Variants in CREBZF observed in about 807,000 individuals in gnomAD.
The protein encoded by CREBZF is CREB/ATF bZIP transcription factor.
A neutral mutation model predicts 21.1 loss-of-function variants in CREBZF; 8 were observed. The observed-to-expected ratio is 0.38, with a 90% confidence interval of 0.22 to 0.68. CREBZF has a LOEUF of 0.68. CREBZF is among the 30% of genes least tolerant of loss of function. CREBZF has a pLI of 0.51. For synonymous variants in CREBZF, 270 were observed against 223.3 expected (o/e 1.21, Z -1.86); for missense variants, 518 against 484.3 (o/e 1.07, Z -0.65).
upstream of CREBZF, among the ~76,000 whole-genome samples, chr11:85,665,823 T>C (rs919534001): frequency 2.6e-5 from 4 of 152,144 alleles, no homozygotes; most frequent in Non-Finnish European, 5.9e-5. Context: ...ACAAAAACTC[T>C]GACAAATAGA....
rs981352633 is a variant in CREBZF at position 85,663,509 on chromosome 11, G to C, written c.*302C>G. On this transcript the variant is annotated 3_prime_UTR_variant, in exon 1 of 1. Transcript: ENST00000527447. Reference sequence around the variant, plus strand: ...CAGCAGAGCATGAGCGTTACGGGAAGAGATGGATCCTTACCAGGTTGTGAG... The same window carrying C: ...CAGCAGAGCATGAGCGTTACGGGAACAGATGGATCCTTACCAGGTTGTGAG... The C allele has an allele frequency of 3.2e-6, 3 of 924,338 alleles. No homozygotes were observed. Among genetic ancestry groups the C allele is most frequent in the Non-Finnish European group, 5.2e-6 (3 of 574,848 alleles). The allele number at this position is 924,338 out of a possible 1,614,324, so 57.3% of individuals were successfully genotyped here.
intron 1 of CREBZF, among the ~76,000 whole-genome samples, chr11:85,680,839 T>C (rs1402790450): frequency 6.6e-6 from 1 of 152,248 alleles, no homozygotes; most frequent in African/African-American, 2.4e-5. Context: ...CCCTGCCTGA[T>C]AAGGCTCTGG....
Position 85,661,166 on chromosome 11 carries a change from G to A in CREBZF, c.*2645C>T, listed in dbSNP as rs1259434804. On this transcript the variant is annotated 3_prime_UTR_variant, in exon 1 of 1. Coordinates refer to ENST00000527447, the MANE Select transcript of CREBZF (RefSeq NM_001039618.4). ...AAATAAACAGATCTGTTTAAATTCA[G>A]AAACCCAAACATTTACAGTAAAATG... The A allele has an allele frequency of 6.6e-6, 1 of 152,464 alleles. No individual in the cohort carries two copies. Among genetic ancestry groups the A allele is most frequent in the African/African-American group, 2.4e-5 (1 of 41,412 alleles). 9.4% of individuals were successfully genotyped at this position (152,464 alleles called of 1,614,324 possible). A position where few individuals can be genotyped will look rare whatever the true frequency, so the allele number is the denominator to read the frequency against.
chr11:85,681,212 T>C (rs1174676335), intron 1 of CREBZF, among the ~76,000 whole-genome samples: 2 of 152,184 alleles, frequency 1.3e-5, no homozygotes, highest in Non-Finnish European at 2.9e-5. Flanking sequence ...CTGCTGGTCT[T>C]GTCACAGTGG....
upstream of CREBZF, among the ~76,000 whole-genome samples, chr11:85,669,073 G>T (rs1420591760): frequency 7.7e-6 from 1 of 129,612 alleles, no homozygotes; most frequent in Non-Finnish European, 1.6e-5. Flanking sequence ...TTTACATGGA[G>T]ATTTTAACAA....
At chr11:85,666,570 C>A (rs2082865976), upstream of CREBZF, among the ~76,000 whole-genome samples, 1 of 152,192 alleles carries the variant, frequency 6.6e-6, no homozygotes, top group Admixed American at 6.5e-5. Flanking sequence ...AGAAACTTCT[C>A]TATAGGATAC....
chr11:85,672,382 T>C (rs540404975), intron 1 of CREBZF, among the ~76,000 whole-genome samples: 3 of 152,262 alleles, frequency 2.0e-5, no homozygotes, highest in Non-Finnish European at 4.4e-5. Context: ...GATTAACATG[T>C]TGCTCTTCGT....
intron 1 of CREBZF, chr11:85,682,617 CGATCTTCCAGACGCGCTCTT>C: frequency 2.8e-6 from 1 of 351,914 alleles, no homozygotes; most frequent in Non-Finnish European, 5.2e-6. Flanking sequence ...CCCCCCAACG[CGATCTTCCAGACGCGCTCTT>C]CCCCCATATA....
chr11:85,664,041 G>T lies in CREBZF; in HGVS notation c.835C>A (p.Arg279Ser). The change falls in exon 1 of 1, where the codon CGC (arginine) becomes AGC (serine). Residue 279 changes from arginine (R) to serine (S), a missense_variant. By Grantham distance (110) the Arg-to-Ser change is moderately radical. Coordinates refer to ENST00000527447, the MANE Select transcript of CREBZF (RefSeq NM_001039618.4). The surrounding 1 kb of genome is among the most constrained non-coding windows in gnomAD (Gnocchi z 5.5). ...AVLANETGLA[R>S]LLSRLSGVGL... ...ACGCCGCTCAGCCGGCTCAGCAAGC[G>T]AGCCAGTCCAGTCTCGTTGGCTAAG... 2 of 1,613,522 alleles carry T rather than the reference G, an allele frequency of 1.2e-6. No homozygotes were observed. Among genetic ancestry groups the T allele is most frequent in the Non-Finnish European group, 1.7e-6 (2 of 1,180,000 alleles).
In CREBZF at chr11:85,663,593, A is replaced by G; in HGVS notation, c.*218T>C. The G allele has an allele frequency of 6.5e-7, 1 of 1,549,932 alleles. No homozygotes were observed. The highest frequency in any genetic ancestry group is 8.7e-7 in the Non-Finnish European group (1 of 1,145,418). On this transcript the variant is annotated 3_prime_UTR_variant, in exon 1 of 1. Coordinates refer to ENST00000527447, the MANE Select transcript of CREBZF (RefSeq NM_001039618.4). The stretch of plus-strand genomic sequence containing the variant: ...AGCCTGGCAGGAAGGAAATCACCTA[A>G]AAAAGAAACTGTCAGAGAGATTTAA...
chr11:85,664,017 C>G lies in CREBZF; in HGVS notation c.859G>C (p.Val287Leu). 6.2e-7 allele frequency: 1 copy of G among 1,613,052 alleles called. No homozygotes were observed. Among genetic ancestry groups the G allele is most frequent in the Non-Finnish European group, 8.5e-7 (1 of 1,179,930 alleles). ...LARLLSRLSG[V>L]GLRLTTSLFR... ...AGCGAGGTGGTCAGCCGCAGTCCCA[C>G]GCCGCTCAGCCGGCTCAGCAAGCGA... The change falls in exon 1 of 1, where the codon GTG becomes CTG. Residue 287 changes from valine (V) to leucine (L), a missense_variant. Around this residue, in one of 3 missense-constraint regions of CREBZF, gnomAD observed 114 missense variants for 134.1 expected, o/e 0.85. Coordinates refer to ENST00000527447, the MANE Select transcript of CREBZF (RefSeq NM_001039618.4). This position sits in a 1 kb window ranked among gnomAD's most constrained non-coding sequence, Gnocchi z 5.5.
intron 1 of CREBZF, among the ~76,000 whole-genome samples, chr11:85,675,858 T>A (rs906209962): frequency 6.6e-6 from 1 of 152,200 alleles, no homozygotes; most frequent in Non-Finnish European, 1.5e-5. Flanking sequence ...ACATTAGGAC[T>A]GGATGAAAAT....
At chr11:85,678,567 T>G (rs898112980) in intron 1 of CREBZF, among the ~76,000 whole-genome samples, 1 of 152,226 alleles carries the variant, frequency 6.6e-6, no homozygotes, top group African/African-American at 2.4e-5. Flanking sequence ...ATATTACAAC[T>G]AACAAACTAA....
In CREBZF at chr11:85,661,508, A is replaced by G. The variant is rs1445344359; in HGVS notation, c.*2303T>C. 1 of 152,564 alleles carries G rather than the reference A, an allele frequency of 6.6e-6. No individual in the cohort carries two copies. Among genetic ancestry groups the G allele is most frequent in the Non-Finnish European group, 1.5e-5 (1 of 68,016 alleles). 9.5% of individuals were successfully genotyped at this position (152,564 alleles called of 1,614,324 possible). A position where few individuals can be genotyped will look rare whatever the true frequency, so the allele number is the denominator to read the frequency against. ...AAATCTACACTTGGAATTTCAAAGTATCTCAATTCAGAAAGCTTTGACTAC... is the reference window on the plus strand; with the variant it reads ...AAATCTACACTTGGAATTTCAAAGTGTCTCAATTCAGAAAGCTTTGACTAC... On this transcript the variant is annotated 3_prime_UTR_variant, in exon 1 of 1. Transcript: ENST00000527447.
chr11:85,680,491 C>T (rs560480811), intron 1 of CREBZF, among the ~76,000 whole-genome samples: 2 of 152,196 alleles, frequency 1.3e-5, no homozygotes, highest in Non-Finnish European at 2.9e-5. Flanking sequence ...AGGAGTCCCT[C>T]TGTGGGACTG....
At position 85,664,355 on chromosome 11, in the gene CREBZF, C is replaced by T. The variant is rs1466545795; in HGVS notation, c.521G>A (p.Ser174Asn). ...GGCGCTGCCACTGTCACTGCTGCTGCTGCAGCCTCCGATACCGTTTAACAG... is the reference window on the plus strand; with the variant it reads ...GGCGCTGCCACTGTCACTGCTGCTGTTGCAGCCTCCGATACCGTTTAACAG... ...QRLLNGIGGC[S>N]SSSDSGSAEK... Residue 174 changes from serine to asparagine, a missense_variant, in exon 1 of 1, where the codon AGC (serine) becomes AAC (asparagine). By Grantham distance (46) the Ser-to-Asn change is conservative (BLOSUM62 1). This residue lies in a region of CREBZF where 396 missense variants were observed against 324.4 expected (regional missense o/e 1.22). Transcript: ENST00000527447. The surrounding 1 kb of genome is among the most constrained non-coding windows in gnomAD (Gnocchi z 5.5). The T allele has an allele frequency of 6.2e-7, 1 of 1,613,240 alleles. No individual in the cohort carries two copies. The highest frequency in any genetic ancestry group is 1.7e-5 in the Admixed American group (1 of 59,986).
exon 1 of CREBZF, chr11:85,682,814 A>G: frequency 1.4e-6 from 1 of 701,996 alleles, no homozygotes; most frequent in Non-Finnish European, 2.6e-6. Flanking sequence ...AAGGATTACC[A>G]CGGGGCCGCA....
chr11:85,664,850 A>G lies in CREBZF; in HGVS notation c.26T>C (p.Leu9Pro). 1 of 1,524,396 alleles carries G rather than the reference A, an allele frequency of 6.6e-7. No individual in the cohort carries two copies. Among genetic ancestry groups the G allele is most frequent in the African/African-American group, 1.4e-5 (1 of 71,970 alleles). 94.4% of individuals were successfully genotyped at this position (1,524,396 alleles called of 1,614,324 possible). Residue 9 changes from leucine to proline, a missense_variant, in exon 1 of 1, where the codon CTG (leucine) becomes CCG (proline). Leu to Pro is a moderately conservative substitution (Grantham distance 98). Around this residue, in one of 3 missense-constraint regions of CREBZF, gnomAD observed 396 missense variants for 324.4 expected, o/e 1.22. Transcript: ENST00000527447. This position sits in a 1 kb window ranked among gnomAD's most constrained non-coding sequence, Gnocchi z 5.5. ...TGGGGAGTTGCTGCCCGAGGCTGCCAGCAGCTTGGTCAGGCTATGCCTCAT... is the reference window on the plus strand; with the variant it reads ...TGGGGAGTTGCTGCCCGAGGCTGCCGGCAGCTTGGTCAGGCTATGCCTCAT... MRHSLTKL[L>P]AASGSNSPTR...
rs2082747736 is a variant in CREBZF, at chr11:85,663,487, C to G, written c.*324G>C. ...TTGCCCATTAAAGTAGACAAAGCAG[C>G]AGAGCATGAGCGTTACGGGAAGAGA... is the stretch of plus-strand genomic sequence containing the variant. On this transcript the variant is annotated 3_prime_UTR_variant, in exon 1 of 1. Transcript: ENST00000527447. 2 of 826,260 alleles carry G rather than the reference C, an allele frequency of 2.4e-6. No individual in the cohort carries two copies. Among genetic ancestry groups the G allele is most frequent in the Non-Finnish European group, 4.1e-6 (2 of 485,694 alleles). The allele number at this position is 826,260 out of a possible 1,614,324, so 51.2% of individuals were successfully genotyped here.
Sources: gnomAD v4.1 joint callset for allele counts (sites outside exome capture counted in the v4.1 genomes callset) on GRCh38, gnomAD v4.1.1 for gene constraint, gnomAD v4.1.1 regional missense constraint, Gnocchi (gnomAD v3.1) non-coding constraint, MANE v1.5 for transcripts, NCBI Gene and HGNC (gene_info 2026-07-23, HGNC 2026-07-21) for gene names.